CCN4: variants seen among roughly 807,000 people sequenced by gnomAD.
CCN4 encodes CCN family member 4.
CCN4 carries 30 observed loss-of-function variants against 36.7 expected under a neutral mutation model. That is an observed-to-expected ratio of 0.82 (90% CI 0.61 to 1.11). CCN4 has a LOEUF of 1.11. Ranked by LOEUF, CCN4 falls within the 50% of genes least tolerant of loss-of-function variation. CCN4 has a pLI of 0.00. For synonymous variants in CCN4, 191 were observed against 195.4 expected, an observed-to-expected ratio of 0.98 and a Z score of 0.19; for missense variants, 505 against 504.9, an observed-to-expected ratio of 1.00 and a Z score of 0.00.
At chr8:133,220,343 G>A (rs1341869259) in intron 2 of CCN4, among the ~76,000 whole-genome samples, 1 of 152,162 alleles carries the variant, frequency 6.6e-6, no homozygotes, top group Non-Finnish European at 1.5e-5. Flanking sequence ...CTCCCTGGGT[G>A]CTGGCTGAAG....
chr8:133,201,778 T>A (rs1241390759), intron 1 of CCN4, among the ~76,000 whole-genome samples: 1 of 151,876 alleles, frequency 6.6e-6, no homozygotes, highest in Non-Finnish European at 1.5e-5. Flanking sequence ...TGGAGGCAGA[T>A]GTTGCAGTGA....
intron 4 of CCN4, among the ~76,000 whole-genome samples, chr8:133,226,659 A>G (rs1854748486): frequency 6.6e-6 from 1 of 152,244 alleles, no homozygotes; most frequent in Non-Finnish European, 1.5e-5. Flanking sequence ...TGGACCACGT[A>G]ATGCAAGTCC....
chr8:133,221,961 G>A (rs1385390842), intron 3 of CCN4, among the ~76,000 whole-genome samples: 1 of 151,868 alleles, frequency 6.6e-6, no homozygotes, highest in Non-Finnish European at 1.5e-5. Context: ...TAAATAAGTA[G>A]ACGAGGGGAC....
chr8:133,227,350 G>A, intron 4 of CCN4, 61 bp from the exon 5 acceptor site: 2 of 1,524,306 alleles, frequency 1.3e-6, no homozygotes, highest in East Asian at 2.3e-5. Context: ...GGGCTCAGGG[G>A]AAGAAGGTGG....
intron 1 of CCN4, among the ~76,000 whole-genome samples, chr8:133,207,353 AG>A (rs1853816691): frequency 6.6e-6 from 1 of 152,238 alleles, no homozygotes; most frequent in South Asian, 2.1e-4. Context: ...CTGAAGGGAC[AG>A]GTACCCCCAC....
In CCN4 at chr8:133,225,388, A is replaced by AGATGC. The variant is rs760791218; in HGVS notation, c.611-1_614dup. 3.1e-6 allele frequency: 5 copies of AGATGC among 1,595,072 alleles called. No homozygotes were observed. The Admixed American group carries it at 6.8e-5, about 22-fold the overall frequency. The stretch of plus-strand genomic sequence containing the variant: ...CATGCAGATTCTGTTCCCCACACAC[A>AGATGC]GATGCTGTGGGTGAGGTGGAGGCAT... On this transcript the variant is annotated splice_acceptor_variant, in intron 3 of 4. Transcript: ENST00000250160. LOFTEE classifies it high-confidence loss of function.
chr8:133,227,343 C>A (rs1854773615), intron 4 of CCN4, 68 bp from the exon 5 acceptor site: 2 of 1,506,966 alleles, frequency 1.3e-6, no homozygotes, highest in South Asian at 2.6e-5. Context: ...AAACTGGGGG[C>A]TCAGGGGAAG....
chr8:133,191,602 G>A (rs775460080), intron 1 of CCN4, among the ~76,000 whole-genome samples: 7 of 152,174 alleles, frequency 4.6e-5, no homozygotes, highest in African/African-American at 7.2e-5. Context: ...GTAAAGCGAC[G>A]AAGTTGTTAG....
chr8:133,197,870 C>T (rs1853446404), intron 1 of CCN4, among the ~76,000 whole-genome samples: 1 of 152,122 alleles, frequency 6.6e-6, no homozygotes, highest in South Asian at 2.1e-4. Flanking sequence ...GGCATGTGTG[C>T]TATGAGCCTG....
At chr8:133,193,722 G>C (rs912303998) in intron 1 of CCN4, among the ~76,000 whole-genome samples, 1 of 152,252 alleles carries the variant, frequency 6.6e-6, no homozygotes, top group East Asian at 1.9e-4. Flanking sequence ...GAGACTCGGA[G>C]AGGTTAAGTA....
At chr8:133,212,285 G>T (rs1436054759) in intron 1 of CCN4, among the ~76,000 whole-genome samples, 1 of 152,170 alleles carries the variant, frequency 6.6e-6, no homozygotes, top group Middle Eastern at 3.2e-3. Context: ...GAGCTATAAA[G>T]TTGAATACCT....
intron 1 of CCN4, among the ~76,000 whole-genome samples, chr8:133,198,509 C>T (rs971636903): frequency 6.6e-6 from 1 of 152,210 alleles, no homozygotes; most frequent in Non-Finnish European, 1.5e-5. Flanking sequence ...GTTCTTCTCC[C>T]ATTCACCTTC....
Position 133,213,079 on chromosome 8 carries a change from C to T in CCN4, c.285C>T (p.Pro95=). Residue 95 remains proline, a synonymous_variant, in exon 2 of 5, where the codon CCC becomes CCT. Coordinates refer to ENST00000250160, the MANE Select transcript of CCN4 (RefSeq NM_003882.4). ...GCACGGAGGCTGCCATCTGTGACCC[C>T]CACCGGGGCCTCTACTGTGACTACA... is the stretch of plus-strand genomic sequence containing the variant. ...DNCTEAAICD[P]HRGLYCDYSG... is the part of the protein sequence containing the mutation. 6.2e-7 allele frequency: 1 copy of T among 1,614,092 alleles called. No individual in the cohort carries two copies. Among genetic ancestry groups the T allele is most frequent in the Non-Finnish European group, 8.5e-7 (1 of 1,179,946 alleles).
chr8:133,213,878 CTA>C (rs1854167811), intron 2 of CCN4, among the ~76,000 whole-genome samples: 2 of 127,822 alleles, frequency 1.6e-5, no homozygotes, highest in African/African-American at 3.0e-5. Flanking sequence ...ATACTATACA[CTA>C]TATATAGTAG....
At chr8:133,221,016 A>T (rs1054319304) in intron 3 of CCN4, among the ~76,000 whole-genome samples, 175 bp downstream of exon 3, 7 of 152,268 alleles carry the variant, frequency 4.6e-5, no homozygotes, top group Non-Finnish European at 8.8e-5. Flanking sequence ...TAAAACAGAA[A>T]TAATCCCATC....
chr8:133,225,892 C>T (rs1214491675), intron 4 of CCN4, among the ~76,000 whole-genome samples: 3 of 152,118 alleles, frequency 2.0e-5, no homozygotes, highest in Non-Finnish European at 4.4e-5. Context: ...TTCCATCCTC[C>T]CTTCACTCCT....
intron 1 of CCN4, among the ~76,000 whole-genome samples, chr8:133,200,228 T>A (rs966197111): frequency 6.6e-6 from 1 of 152,196 alleles, no homozygotes; most frequent in Admixed American, 6.5e-5. Flanking sequence ...CCCACAGTGA[T>A]CCCTTCATCC....
Position 133,220,780 on chromosome 8 carries a change from G to A in CCN4, c.549G>A (p.Trp183Ter), listed in dbSNP as rs1349990615. The change falls in exon 3 of 5, where the codon TGG becomes TGA. Residue 183 changes from tryptophan (W) to a stop codon, truncating the protein, a stop_gained. Coordinates refer to ENST00000250160, the MANE Select transcript of CCN4 (RefSeq NM_003882.4). LOFTEE classifies it high-confidence loss of function. ...VSIPGHCCEQ[W>*]VCEDDAKRPR... ...TACCTGGCCACTGCTGTGAGCAGTG[G>A]GTATGTGAGGACGACGCCAAGAGGC... 1.9e-6 allele frequency: 3 copies of A among 1,612,288 alleles called. No individual in the cohort carries two copies. Among genetic ancestry groups the A allele is most frequent in the Non-Finnish European group, 2.5e-6 (3 of 1,179,408 alleles).
At chr8:133,194,313 GTGT>G (rs1853230816) in intron 1 of CCN4, among the ~76,000 whole-genome samples, 1 of 132,294 alleles carries the variant, frequency 7.6e-6, no homozygotes. Flanking sequence ...TGTGGTGTGT[GTGT>G]GTATGTGTGT....
Sources: allele counts gnomAD v4.1 joint callset (sites outside exome capture counted in the v4.1 genomes callset), GRCh38; gene constraint gnomAD v4.1.1; transcripts MANE v1.5; gene names NCBI Gene and HGNC (gene_info 2026-07-23, HGNC 2026-07-21).